DKK3: variants seen among roughly 807,000 people sequenced by gnomAD.
DKK3 encodes the protein dickkopf Wnt signaling pathway inhibitor 3, also known as dickkopf-related protein 3.
DKK3 carries 22 observed loss-of-function variants against 33.2 expected under a neutral mutation model. That is an observed-to-expected ratio of 0.66 (90% CI 0.47 to 0.95). The LOEUF is 0.95. Ranked by LOEUF, DKK3 falls within the 40% of genes least tolerant of loss-of-function variation. DKK3 has a pLI of 0.00. For synonymous variants in DKK3, 194 were observed against 188.8 expected (o/e 1.03, Z -0.23); for missense variants, 398 against 458.4 (o/e 0.87, Z 1.20).
At chr11:12,004,960 G>A (rs1371642596) in intron 1 of DKK3, among the ~76,000 whole-genome samples, 1 of 152,056 alleles carries the variant, frequency 6.6e-6, no homozygotes, top group Non-Finnish European at 1.5e-5. Flanking sequence ...AGACAGAATG[G>A]GCAAGAAAAT....
At chr11:11,965,336 G>A (rs1847562571) in intron 6 of DKK3, among the ~76,000 whole-genome samples, 1 of 152,202 alleles carries the variant, frequency 6.6e-6, no homozygotes, top group African/African-American at 2.4e-5. Context: ...GCTGCGGGGA[G>A]GACAGGGAGA....
chr11:12,009,608 G>T, upstream of DKK3: 1 of 985,876 alleles, frequency 1.0e-6, no homozygotes, highest in Non-Finnish European at 1.2e-6. Context: ...CACCGAGGTT[G>T]GGGGTAGGGG....
chr11:11,965,283 C>T (rs1260451070), intron 6 of DKK3, among the ~76,000 whole-genome samples: 1 of 152,154 alleles, frequency 6.6e-6, no homozygotes, highest in African/African-American at 2.4e-5. Flanking sequence ...TGCCTGTCTG[C>T]CCAGCAGCCC....
rs1847496999 is a variant in DKK3 at position 11,963,184 on chromosome 11, T to C, written c.*1280A>G. ...AATTTAAAACTCAAAGAAAGCATGC[T>C]TATACAATCATGTGCAACTTTAAAC... On this transcript the variant is annotated 3_prime_UTR_variant, in exon 7 of 7. Coordinates refer to ENST00000683431, the MANE Select transcript of DKK3 (RefSeq NM_001018057.2). 6.5e-6 allele frequency: 1 copy of C among 152,798 alleles called. No homozygotes were observed. The highest frequency in any genetic ancestry group is 1.9e-4 in the East Asian group (1 of 5,190). 9.5% of individuals were successfully genotyped at this position (152,798 alleles called of 1,614,324 possible).
chr11:11,971,983 C>T (rs1057419781), intron 3 of DKK3, among the ~76,000 whole-genome samples: 1 of 152,136 alleles, frequency 6.6e-6, no homozygotes, highest in East Asian at 1.9e-4. Context: ...TTGTTATAAT[C>T]GAGCCCACCA....
At chr11:11,970,336 T>C (rs898617102) in intron 3 of DKK3, among the ~76,000 whole-genome samples, 2 of 152,122 alleles carry the variant, frequency 1.3e-5, no homozygotes, top group Non-Finnish European at 2.9e-5. Context: ...AACGGACAAC[T>C]TAGAATAACA....
intron 2 of DKK3, among the ~76,000 whole-genome samples, chr11:11,999,967 C>A (rs1326049424): frequency 6.6e-6 from 1 of 152,182 alleles, no homozygotes; most frequent in African/African-American, 2.4e-5. Flanking sequence ...ATGAAATGAT[C>A]TCTTCCCTTA....
At chr11:11,967,309 C>T (rs554359439) in intron 4 of DKK3, among the ~76,000 whole-genome samples, 7 of 152,264 alleles carry the variant, frequency 4.6e-5, no homozygotes, top group East Asian at 1.9e-4. Flanking sequence ...AAAATGGCAC[C>T]GGGAGGACTC....
At chr11:12,007,714 G>T (rs1423996468) in intron 1 of DKK3, among the ~76,000 whole-genome samples, 1 of 152,226 alleles carries the variant, frequency 6.6e-6, no homozygotes, top group African/African-American at 2.4e-5. Flanking sequence ...TTTGCCCAAT[G>T]TCACCCTGCT....
chr11:11,968,131 T>C (rs1847642636), intron 4 of DKK3, among the ~76,000 whole-genome samples: 1 of 152,170 alleles, frequency 6.6e-6, no homozygotes. Context: ...TCCCCTTCTC[T>C]ACCATCAATG....
chr11:12,008,318 C>G lies in DKK3; in HGVS notation c.213+52G>C, dbSNP rs1312241304. The G allele has an allele frequency of 3.9e-6, 6 of 1,553,892 alleles. No individual in the cohort carries two copies. The African/African-American group carries it at 6.8e-5, about 18-fold the overall frequency. Reference sequence around the variant, plus strand: ...CTCTTCCATGCCTTCCCAGACTTCGCTGCCCCCAGTCTGGCGCTTCTCAGA... The same window carrying G: ...CTCTTCCATGCCTTCCCAGACTTCGGTGCCCCCAGTCTGGCGCTTCTCAGA... On this transcript the variant is annotated intron_variant, in intron 1 of 6. Coordinates refer to ENST00000683431, the MANE Select transcript of DKK3 (RefSeq NM_001018057.2). The surrounding 1 kb of genome is among the most constrained non-coding windows in gnomAD (Gnocchi z 4.6).
intron 3 of DKK3, among the ~76,000 whole-genome samples, chr11:11,992,381 G>A (rs1432659781): frequency 4.6e-5 from 7 of 152,182 alleles, no homozygotes; most frequent in Non-Finnish European, 7.3e-5. Context: ...GCCTGTGCCC[G>A]AGCTGTTAAC....
chr11:12,000,677 A>AT (rs34623420), intron 2 of DKK3, among the ~76,000 whole-genome samples: 32,834 of 141,836 alleles, frequency 0.23, 3,903 homozygotes, highest in Admixed American at 0.32. Context: ...GCTAAGGCTA[A>AT]TTTTTTTTTT....
At chr11:11,990,943 G>A (rs1848174933) in intron 3 of DKK3, among the ~76,000 whole-genome samples, 1 of 152,190 alleles carries the variant, frequency 6.6e-6, no homozygotes, top group African/African-American at 2.4e-5. Flanking sequence ...TCCTGCCACG[G>A]TTTCATGGCT....
chr11:12,008,606 C>A lies in DKK3; in HGVS notation c.-24G>T, dbSNP rs1407245985. On this transcript the variant is annotated 5_prime_UTR_variant, in exon 1 of 7. Transcript: ENST00000683431. The surrounding 1 kb of genome is among the most constrained non-coding windows in gnomAD (Gnocchi z 4.6). ...ATCTCCGCTCTGCGCCCGCAGCCGCCGCCTGTGTGTCCCGGAACGCGATCA... is the reference window on the plus strand; with the variant it reads ...ATCTCCGCTCTGCGCCCGCAGCCGCAGCCTGTGTGTCCCGGAACGCGATCA... 7.3e-7 allele frequency: 1 copy of A among 1,375,898 alleles called. No homozygotes were observed. The highest frequency in any genetic ancestry group is 1.5e-5 in the African/African-American group (1 of 65,490). 85.2% of individuals were successfully genotyped at this position (1,375,898 alleles called of 1,614,324 possible).
At position 12,003,859 on chromosome 11, in the gene DKK3, G is replaced by C. The variant is rs569071446; in HGVS notation, c.214-1422C>G. ...ACCACCAGGTTTGCTGAGCTGAGGA[G>C]GATAAGAGGAAAGAATCCTCATGTC... is the stretch of plus-strand genomic sequence containing the variant. On this transcript the variant is annotated intron_variant, in intron 1 of 6. Transcript: ENST00000683431. 2.0e-5 allele frequency among the ~76,000 whole-genome samples: 3 copies of C among 152,204 alleles called. No homozygotes were observed. In the East Asian group the frequency reaches 5.8e-4, roughly 29 times the overall value.
At chr11:11,977,214 C>G (rs574707900) in intron 3 of DKK3, among the ~76,000 whole-genome samples, 1 of 152,276 alleles carries the variant, frequency 6.6e-6, no homozygotes, top group East Asian at 1.9e-4. Flanking sequence ...TGCTCCTAAC[C>G]CTTTAGTGCC....
rs1348575874 is a variant in DKK3, at chr11:11,964,391, A to AC, written c.*72dup. 1 of 1,548,848 alleles carries AC rather than the reference A, an allele frequency of 6.5e-7. No homozygotes were observed. Among genetic ancestry groups the AC allele is most frequent in the African/African-American group, 1.4e-5 (1 of 73,320 alleles). On this transcript the variant is annotated 3_prime_UTR_variant, in exon 7 of 7. Coordinates refer to ENST00000683431, the MANE Select transcript of DKK3 (RefSeq NM_001018057.2). ...ATGTAGGAAGAAGCCTGGTCAGCCC[A>AC]CGCCTAAAGCACACACCTGGGGAAA...
chr11:11,994,698 C>T (rs1041759085), intron 3 of DKK3: 1 of 152,216 alleles, frequency 6.6e-6, no homozygotes, highest in African/African-American at 2.4e-5. Flanking sequence ...CAGCACCCCA[C>T]TCGAGAGTGT....
Sources: gnomAD v4.1 joint callset for allele counts (sites outside exome capture counted in the v4.1 genomes callset) on GRCh38, gnomAD v4.1.1 for gene constraint, Gnocchi (gnomAD v3.1) non-coding constraint, MANE v1.5 for transcripts, NCBI Gene and HGNC (gene_info 2026-07-23, HGNC 2026-07-21) for gene names.